The following DPYS variants were observed in gnomAD, a reference collection of about 807,000 sequenced individuals.
DPYS encodes dihydropyrimidine amidohydrolase.
Under a neutral mutation model 50.3 loss-of-function variants are expected in DPYS, and 39 were observed. That is an observed-to-expected ratio of 0.78 (90% CI 0.60 to 1.01). The LOEUF is 1.01. DPYS is among the 50% of genes least tolerant of loss of function. The probability of loss-of-function intolerance (pLI) is 0.00; values close to 1 mark genes in which losing one functional copy is unlikely to be tolerated. For synonymous variants in DPYS, 245 were observed against 250.7 expected, an observed-to-expected ratio of 0.98 and a Z score of 0.22; for missense variants, 659 against 680.9, an observed-to-expected ratio of 0.97 and a Z score of 0.36.
chr8:104,408,821 T>TG (rs918941421), intron 7 of DPYS, among the ~76,000 whole-genome samples: 6 of 151,484 alleles, frequency 4.0e-5, no homozygotes, highest in Admixed American at 1.3e-4. Context: ...TTTGTTTGTT[T>TG]TTTTTTTTTG....
intron 2 of DPYS, among the ~76,000 whole-genome samples, chr8:104,450,563 A>G (rs1813703089): frequency 6.6e-6 from 1 of 152,242 alleles, no homozygotes; most frequent in Non-Finnish European, 1.5e-5. Flanking sequence ...ACATATTTTA[A>G]CATCTCTCAG....
At chr8:104,392,719 C>G in intron 8 of DPYS, 65 bp downstream of exon 8, 2 of 1,595,524 alleles carry the variant, frequency 1.3e-6, no homozygotes, top group East Asian at 2.2e-5. Flanking sequence ...CAACAATAAC[C>G]AGCCAGACAT....
chr8:104,449,688 C>T (rs887763343), intron 2 of DPYS, among the ~76,000 whole-genome samples: 3 of 152,182 alleles, frequency 2.0e-5, no homozygotes, highest in East Asian at 3.9e-4. Flanking sequence ...CAGACCTCCA[C>T]GGGGAGAACA....
intron 4 of DPYS, among the ~76,000 whole-genome samples, chr8:104,442,167 C>A (rs763741357): frequency 7.9e-5 from 12 of 152,138 alleles, no homozygotes; most frequent in Non-Finnish European, 1.0e-4. Context: ...AAATATTTTA[C>A]AGATACAAGA....
chr8:104,448,958 G>A (rs544189907), intron 2 of DPYS, among the ~76,000 whole-genome samples: 98 of 152,156 alleles, frequency 6.4e-4, no homozygotes, highest in Non-Finnish European at 1.3e-3. Flanking sequence ...CCCCATGAGA[G>A]AAGGGGCCTT....
At chr8:104,462,937 A>C (rs1588466555) in intron 1 of DPYS, among the ~76,000 whole-genome samples, 1 of 152,266 alleles carries the variant, frequency 6.6e-6, no homozygotes, top group East Asian at 1.9e-4. Flanking sequence ...TAATTAAGCT[A>C]ATCAATTATA....
At chr8:104,425,614 C>T (rs879205761) in intron 6 of DPYS, among the ~76,000 whole-genome samples, 2 of 152,058 alleles carry the variant, frequency 1.3e-5, no homozygotes, top group Admixed American at 1.3e-4. Context: ...TAAGCCACCA[C>T]ACCCAGATGC....
chr8:104,388,539 T>C (rs1432919044), intron 8 of DPYS, among the ~76,000 whole-genome samples: 3 of 152,258 alleles, frequency 2.0e-5, no homozygotes, highest in Non-Finnish European at 4.4e-5. Context: ...TTTTGCTCAG[T>C]CAGGATTCTC....
At chr8:104,405,160 C>G (rs539161369) in intron 7 of DPYS, among the ~76,000 whole-genome samples, 45 of 152,356 alleles carry the variant, frequency 3.0e-4, no homozygotes, top group South Asian at 1.5e-3. Flanking sequence ...GGTGTGGCCA[C>G]TATCCATGAA....
intron 4 of DPYS, 134 bp downstream of exon 4, chr8:104,444,114 G>T: frequency 5.3e-6 from 5 of 940,592 alleles, no homozygotes; most frequent in East Asian, 2.6e-5. Flanking sequence ...AAACCAGGAG[G>T]CTAATAAAAA....
intron 4 of DPYS, among the ~76,000 whole-genome samples, chr8:104,431,869 A>C (rs892757312): frequency 7.2e-5 from 11 of 152,330 alleles, no homozygotes; most frequent in Middle Eastern, 3.4e-3. Flanking sequence ...TATCATATGC[A>C]CTATGTTACT....
intron 1 of DPYS, among the ~76,000 whole-genome samples, chr8:104,463,266 C>T (rs1814235345): frequency 6.6e-6 from 1 of 152,156 alleles, no homozygotes; most frequent in African/African-American, 2.4e-5. Context: ...ATGTATTATA[C>T]AAATGCCTTA....
In DPYS at chr8:104,383,001, G is replaced by A. The variant is rs144832279; in HGVS notation, c.1444-1687C>T. 9.0e-3 allele frequency among the ~76,000 whole-genome samples: 1,368 copies of A among 152,200 alleles called. 12 individuals carry two copies. Among genetic ancestry groups the A allele is most frequent in the Non-Finnish European group, 0.015 (1,012 of 68,020 alleles). On this transcript the variant is annotated intron_variant, in intron 8 of 9. Coordinates refer to ENST00000351513, the MANE Select transcript of DPYS (RefSeq NM_001385.3). ...CTTTTCAGCTGTTCATTTTTTGTCTGTCCTGGACTCCGTCTTGGGAACTGA... is the reference window on the plus strand; with the variant it reads ...CTTTTCAGCTGTTCATTTTTTGTCTATCCTGGACTCCGTCTTGGGAACTGA...
intron 1 of DPYS, 75 bp downstream of exon 1, chr8:104,466,582 G>A (rs1814406902): frequency 1.4e-6 from 2 of 1,420,130 alleles, no homozygotes; most frequent in East Asian, 2.9e-5. Flanking sequence ...GCCCTGCTGA[G>A]GACCCCGGGA....
At chr8:104,430,225 G>T (rs1172351754) in intron 4 of DPYS, among the ~76,000 whole-genome samples, 4 of 151,974 alleles carry the variant, frequency 2.6e-5, no homozygotes, top group African/African-American at 9.7e-5. Flanking sequence ...GCATATCTCT[G>T]CTGCAAATCA....
chr8:104,379,714 A>G lies in DPYS; in HGVS notation c.*144T>C, dbSNP rs763497747. ...AGACAGCAATTGCTTCTGAAAGAAA[A>G]TCAAAGAAGCCTATAGTGGTGAATT... On this transcript the variant is annotated 3_prime_UTR_variant, in exon 10 of 10. Coordinates refer to ENST00000351513, the MANE Select transcript of DPYS (RefSeq NM_001385.3). 2 of 431,746 alleles carry G rather than the reference A, an allele frequency of 4.6e-6. No individual in the cohort carries two copies. The highest frequency in any genetic ancestry group is 3.4e-5 in the South Asian group (2 of 58,522). 26.7% of individuals were successfully genotyped at this position (431,746 alleles called of 1,614,324 possible).
At chr8:104,442,376 G>C (rs886301375) in intron 4 of DPYS, among the ~76,000 whole-genome samples, 2 of 152,124 alleles carry the variant, frequency 1.3e-5, no homozygotes, top group African/African-American at 4.8e-5. Context: ...GCTTGAAGGT[G>C]GGTTAGAAGT....
At chr8:104,457,860 A>C (rs138696363) in intron 1 of DPYS, among the ~76,000 whole-genome samples, 1 of 152,306 alleles carries the variant, frequency 6.6e-6, no homozygotes, top group African/African-American at 2.4e-5. Context: ...CAGAAACTTA[A>C]GAGTTACTCT....
intron 7 of DPYS, chr8:104,419,706 C>T (rs1424441225): frequency 6.6e-6 from 1 of 152,150 alleles, no homozygotes; most frequent in Admixed American, 6.5e-5. Context: ...GGCCATTCTA[C>T]AAAATACCTG....
Sources: allele counts gnomAD v4.1 joint callset (sites outside exome capture counted in the v4.1 genomes callset), GRCh38; gene constraint gnomAD v4.1.1; transcripts MANE v1.5; gene names NCBI Gene and HGNC (gene_info 2026-07-23, HGNC 2026-07-21).